GSTM2: variants seen among roughly 807,000 people sequenced by gnomAD.
The protein encoded by GSTM2 is glutathione S-transferase mu 2.
In GSTM2, 33 loss-of-function variants were observed where a neutral mutation model predicts 33.3. The observed-to-expected ratio is 0.99, with a 90% CI of 0.75 to 1.33. The LOEUF (loss-of-function observed/expected upper bound fraction) is 1.33. GSTM2 is among the 40% of genes most tolerant of loss of function. The probability of loss-of-function intolerance (pLI) is 0.00; values close to 1 mark genes in which losing one functional copy is unlikely to be tolerated. For synonymous variants in GSTM2, 93 were observed against 95.6 expected (o/e 0.97, Z 0.16); for missense variants, 213 against 265.8 (o/e 0.80, Z 1.38).
At chr1:109,668,198 G>T (rs762595797) in intron 1 of GSTM2, 47 bp downstream of exon 1, 1 of 1,557,182 alleles carries the variant, frequency 6.4e-7, no homozygotes, top group Non-Finnish European at 8.8e-7. Flanking sequence ...CGTGGGGGCG[G>T]GGAAGTGTGG....
intron 7 of GSTM2, chr1:109,673,061 G>C: frequency 1.1e-6 from 1 of 878,182 alleles, no homozygotes; most frequent in South Asian, 1.5e-5. Flanking sequence ...GTAGAGATGG[G>C]GTTTTGCTAT....
At chr1:109,671,069 C>T (rs1191843081) in intron 5 of GSTM2, 2 of 561,758 alleles carry the variant, frequency 3.6e-6, no homozygotes, top group African/African-American at 3.8e-5. Flanking sequence ...TGTCACATTC[C>T]GCTCTGCCAT....
At chr1:109,678,024 A>G (rs766838148), downstream of GSTM2, among the ~76,000 whole-genome samples, 1 of 152,200 alleles carries the variant, frequency 6.6e-6, no homozygotes, top group African/African-American at 2.4e-5. Flanking sequence ...AGCAAATTAT[A>G]CGTTCATCTT....
At chr1:109,669,150 T>C in intron 3 of GSTM2, 140 bp from the exon 4 acceptor site, 1 of 1,267,876 alleles carries the variant, frequency 7.9e-7, no homozygotes, top group Non-Finnish European at 1.2e-6. Context: ...GTGTCCCAGC[T>C]CATTTATTAG....
chr1:109,672,934 A>G (rs905028833), intron 7 of GSTM2, among the ~76,000 whole-genome samples: 1 of 149,294 alleles, frequency 6.7e-6, no homozygotes, highest in African/African-American at 2.5e-5. Flanking sequence ...CAGTGGAGCA[A>G]TCTCGGCTCA....
intron 7 of GSTM2, 123 bp downstream of exon 7, chr1:109,671,706 G>C (rs182550315): frequency 2.2e-5 from 16 of 734,516 alleles, no homozygotes; most frequent in Non-Finnish European, 3.8e-5. Context: ...GGTGGCTCAC[G>C]CCTGTAATCT....
intron 1 of GSTM2, 118 bp from the exon 2 acceptor site, chr1:109,668,307 C>T (rs1389626473): frequency 3.2e-6 from 3 of 946,062 alleles, no homozygotes; most frequent in South Asian, 1.3e-5. Context: ...GCTGGGCGTG[C>T]GGGGTGGGGG....
Position 109,671,557 on chromosome 1 carries a change from C to A in GSTM2, c.541C>A (p.Leu181Met). ...CAGCTGCCTGGATGCCTTCCCAAAC[C>A]TGAAGGACTTCATCTCCCGATTTGA... ...EPSCLDAFPNLKDFISRFEGL... is the reference protein window; with the variant it reads ...EPSCLDAFPNMKDFISRFEGL... The change falls in exon 7 of 8, where the codon CTG (leucine) becomes ATG (methionine). Residue 181 changes from leucine (L) to methionine (M), a missense_variant. Coordinates refer to ENST00000241337, the MANE Select transcript of GSTM2 (RefSeq NM_000848.4). The A allele has an allele frequency of 6.2e-7, 1 of 1,606,790 alleles. No individual in the cohort carries two copies. Among genetic ancestry groups the A allele is most frequent in the South Asian group, 1.1e-5 (1 of 90,948 alleles).
In GSTM2 at chr1:109,668,157, C is replaced by G. The variant is rs1367768978; in HGVS notation, c.36+6C>G. On this transcript the variant is annotated splice_donor_region_variant and intron_variant, in intron 1 of 7. Coordinates refer to ENST00000241337, the MANE Select transcript of GSTM2 (RefSeq NM_000848.4). ...GGTACTGGAACATCCGCGGGGTGAG[C>G]CAGGGTCCGCTGGGCGGTGGGACGG... 1.2e-6 allele frequency: 2 copies of G among 1,609,846 alleles called. No individual in the cohort carries two copies. The highest frequency in any genetic ancestry group is 2.2e-5 in the South Asian group (2 of 90,954).
At chr1:109,675,915 A>C (rs1260228935), downstream of GSTM2, among the ~76,000 whole-genome samples, 1 of 152,206 alleles carries the variant, frequency 6.6e-6, no homozygotes, top group Non-Finnish European at 1.5e-5. Flanking sequence ...AGACTGGGTA[A>C]TTGATAAAGG....
intron 7 of GSTM2, among the ~76,000 whole-genome samples, chr1:109,672,415 TC>T (rs1647578794): frequency 6.6e-6 from 1 of 152,158 alleles, no homozygotes; most frequent in Non-Finnish European, 1.5e-5. Flanking sequence ...TAGAATTATC[TC>T]CCCCATTTTA....
At chr1:109,680,349 A>G (rs1324448637) in intron 7 of GSTM2, among the ~76,000 whole-genome samples, 1 of 151,858 alleles carries the variant, frequency 6.6e-6, no homozygotes, top group Non-Finnish European at 1.5e-5. Context: ...ATCAAACACA[A>G]GATAAAACGC....
At chr1:109,679,989 T>C (rs1647819927), downstream of GSTM2, among the ~76,000 whole-genome samples, 1 of 152,178 alleles carries the variant, frequency 6.6e-6, no homozygotes, top group South Asian at 2.1e-4. Flanking sequence ...CCGCCTATCC[T>C]GGGACCTCCA....
At chr1:109,673,399 T>G (rs1490016545) in intron 7 of GSTM2, 2 of 907,600 alleles carry the variant, frequency 2.2e-6, no homozygotes, top group Non-Finnish European at 3.3e-6. Context: ...CAGCAAATCC[T>G]ACATTACTAC....
intron 7 of GSTM2, among the ~76,000 whole-genome samples, chr1:109,674,144 G>T (rs1428565840): frequency 3.3e-5 from 5 of 152,166 alleles, no homozygotes; most frequent in Non-Finnish European, 5.9e-5. Context: ...TGAGACATTG[G>T]GTGAGTGTGT....
chr1:109,669,641 G>A (rs1022513026), intron 5 of GSTM2, 70 bp downstream of exon 5: 1 of 1,012,382 alleles, frequency 9.9e-7, no homozygotes, highest in African/African-American at 1.6e-5. Context: ...TGCAGAGTTT[G>A]TGTCCAAAAT....
chr1:109,668,766 T>C, intron 2 of GSTM2, 159 bp from the exon 3 acceptor site: 1 of 942,764 alleles, frequency 1.1e-6, no homozygotes, highest in Non-Finnish European at 1.7e-6. Context: ...GAGCCCTCAC[T>C]GGAATTCTTT....
downstream of GSTM2, among the ~76,000 whole-genome samples, chr1:109,676,001 A>G (rs1291743633): frequency 6.6e-6 from 1 of 152,262 alleles, no homozygotes; most frequent in East Asian, 1.9e-4. Context: ...AATGAGGACC[A>G]AAGTAATGTC....
downstream of GSTM2, among the ~76,000 whole-genome samples, chr1:109,677,073 AC>A (rs371362799): frequency 9.1e-3 from 1,389 of 152,342 alleles, 10 homozygotes; most frequent in Non-Finnish European, 0.012. Context: ...CCACATGGCC[AC>A]TAAGCTCATG....
Sources: allele counts gnomAD v4.1 joint callset (sites outside exome capture counted in the v4.1 genomes callset), GRCh38; gene constraint gnomAD v4.1.1; transcripts MANE v1.5; gene names NCBI Gene and HGNC (gene_info 2026-07-23, HGNC 2026-07-21).